Variants in CCDC88C observed in about 807,000 individuals in gnomAD.
CCDC88C encodes coiled-coil and HOOK domain protein 88C.
In CCDC88C, 131 loss-of-function variants were observed where a neutral mutation model predicts 198.8. The ratio of observed to expected loss-of-function variants is 0.66; its 90% confidence interval spans 0.57 to 0.76. CCDC88C has a LOEUF of 0.76. Among genes scored for constraint, CCDC88C ranks in the 30% least tolerant of loss-of-function variants. The probability of loss-of-function intolerance (pLI) is 0.00; values close to 1 mark genes in which losing one functional copy is unlikely to be tolerated. For synonymous variants in CCDC88C, 1,166 were observed against 1,114.7 expected, an observed-to-expected ratio of 1.05 and a Z score of -0.92; for missense variants, 2,553 against 2,631.6, an observed-to-expected ratio of 0.97 and a Z score of 0.65.
rs1054657158 is a variant in CCDC88C at position 91,379,805 on chromosome 14, T to A, written c.271-20094A>T. 5.7e-6 allele frequency: 4 copies of A among 702,950 alleles called. No homozygotes were observed. The Admixed American group carries it at 8.0e-5, about 14-fold the overall frequency. 43.5% of individuals were successfully genotyped at this position (702,950 alleles called of 1,614,324 possible). On this transcript the variant is annotated intron_variant, in intron 3 of 29. Coordinates refer to ENST00000389857, the MANE Select transcript of CCDC88C (RefSeq NM_001080414.4). ...TGTCTTGTTCACTGTCCACTTCCAC[T>A]GGGTTTGTTTGAAGCCAATGCGAAA...
At chr14:91,304,053 T>G in intron 19 of CCDC88C, 75 bp from the exon 20 acceptor site, 2 of 1,524,926 alleles carry the variant, frequency 1.3e-6, no homozygotes, top group Non-Finnish European at 1.8e-6. Context: ...GGTCAAGTGC[T>G]CGAGCAGACA....
intron 2 of CCDC88C, among the ~76,000 whole-genome samples, chr14:91,411,342 G>T (rs1312157075): frequency 6.6e-6 from 1 of 152,162 alleles, no homozygotes; most frequent in Non-Finnish European, 1.5e-5. Context: ...CTGCAAAATG[G>T]CTACAGGATC....
intron 14 of CCDC88C, among the ~76,000 whole-genome samples, chr14:91,315,224 A>C (rs1892041704): frequency 6.6e-6 from 1 of 152,090 alleles, no homozygotes; most frequent in Non-Finnish European, 1.5e-5. Flanking sequence ...TCCCTGAGCC[A>C]CTACATCAGC....
chr14:91,278,899 T>TTTC (rs1890082522), intron 28 of CCDC88C, among the ~76,000 whole-genome samples: 1 of 132,648 alleles, frequency 7.5e-6, no homozygotes, highest in African/African-American at 2.9e-5. Context: ...CTTTTTTTTT[T>TTTC]TTTTTTTTTT....
intron 10 of CCDC88C, 110 bp downstream of exon 10, chr14:91,337,895 A>C: frequency 7.3e-7 from 1 of 1,368,456 alleles, no homozygotes; most frequent in Non-Finnish European, 1.0e-6. Flanking sequence ...GCATCTGCTG[A>C]AACAGCTGTG....
At chr14:91,360,865 G>T (rs898583718) in intron 3 of CCDC88C, among the ~76,000 whole-genome samples, 2 of 152,188 alleles carry the variant, frequency 1.3e-5, no homozygotes, top group African/African-American at 4.8e-5. Flanking sequence ...TAAAATTCCA[G>T]TTCTGGTGGG....
rs765093703 is a variant in CCDC88C at position 91,408,629 on chromosome 14, C to G, written c.270+30G>C. 7.3e-6 allele frequency: 10 copies of G among 1,375,328 alleles called. No homozygotes were observed. In the Admixed American group the frequency reaches 1.0e-4, roughly 14 times the overall value. 85.2% of individuals were successfully genotyped at this position (1,375,328 alleles called of 1,614,324 possible). On this transcript the variant is annotated intron_variant, in intron 3 of 29. Transcript: ENST00000389857. ...AGTGACGATACTGATGGACACACAT[C>G]AGAATTCCCGACAGCAGAACTGCCC...
intron 17 of CCDC88C, among the ~76,000 whole-genome samples, chr14:91,307,565 G>C (rs1226242572): frequency 6.6e-6 from 1 of 152,254 alleles, no homozygotes; most frequent in African/African-American, 2.4e-5. Flanking sequence ...GAGGTGAACA[G>C]GGATGAGGTC....
At chr14:91,340,061 A>T (rs748388547) in intron 6 of CCDC88C, 37 bp from the exon 7 acceptor site, 5 of 1,601,354 alleles carry the variant, frequency 3.1e-6, no homozygotes, top group Non-Finnish European at 4.3e-6. Context: ...CAGGGGCGGC[A>T]GAGACGGGCG....
rs566330110 is a variant in CCDC88C at position 91,311,418 on chromosome 14, TG to T, written c.2737-1433del. Among the ~76,000 whole-genome samples, 367 of 152,332 alleles carry T rather than the reference TG, an allele frequency of 2.4e-3. 1 individual carries two copies. Among genetic ancestry groups the T allele is most frequent in the African/African-American group, 8.5e-3 (354 of 41,572 alleles). ...TGTGTGGCATGTGGCACCCTGTGGT[TG>T]GGTGTGGCTGTGCTGCTGAGCCCCA... On this transcript the variant is annotated intron_variant, in intron 15 of 29. Transcript: ENST00000389857.
chr14:91,281,996 C>G (rs1890219013), intron 26 of CCDC88C, among the ~76,000 whole-genome samples: 1 of 152,186 alleles, frequency 6.6e-6, no homozygotes, highest in African/African-American at 2.4e-5. Context: ...AACCCTTGCA[C>G]TAACAGCTCC....
chr14:91,370,126 G>A lies in CCDC88C; in HGVS notation c.271-10415C>T, dbSNP rs113428342. 6.9e-3 allele frequency among the ~76,000 whole-genome samples: 1,046 copies of A among 152,322 alleles called. 12 individuals carry two copies. Among genetic ancestry groups the A allele is most frequent in the African/African-American group, 0.023 (972 of 41,562 alleles). Reference sequence around the variant, plus strand: ...AACACCGCAGCATGAGGGCAGAGCCGCTAACTCCTGCCTCTGCCTGTAACC... The same window carrying A: ...AACACCGCAGCATGAGGGCAGAGCCACTAACTCCTGCCTCTGCCTGTAACC... On this transcript the variant is annotated intron_variant, in intron 3 of 29. Coordinates refer to ENST00000389857, the MANE Select transcript of CCDC88C (RefSeq NM_001080414.4).
At chr14:91,406,458 C>A (rs1886488505) in intron 3 of CCDC88C, among the ~76,000 whole-genome samples, 1 of 152,234 alleles carries the variant, frequency 6.6e-6, no homozygotes. Context: ...TGGCTCTGGC[C>A]AGCCCTGCCC....
intron 23 of CCDC88C, among the ~76,000 whole-genome samples, chr14:91,293,340 C>A (rs1395065703): frequency 7.1e-6 from 1 of 140,976 alleles, no homozygotes; most frequent in Non-Finnish European, 1.5e-5. Context: ...CAAAGCTCAC[C>A]TTCCTGTCCC....
intron 3 of CCDC88C, among the ~76,000 whole-genome samples, chr14:91,389,938 G>A (rs539668020): frequency 1.3e-5 from 2 of 152,088 alleles, no homozygotes; most frequent in East Asian, 1.9e-4. Flanking sequence ...TGGGCGTGGT[G>A]GCGGGCGCCT....
chr14:91,287,313 T>C (rs916679329), intron 25 of CCDC88C, among the ~76,000 whole-genome samples: 2 of 152,112 alleles, frequency 1.3e-5, no homozygotes, highest in South Asian at 2.1e-4. Flanking sequence ...CTTATCCCCA[T>C]AAAGAATGAC....
intron 3 of CCDC88C, among the ~76,000 whole-genome samples, chr14:91,407,885 C>A (rs752361096): frequency 6.8e-6 from 1 of 147,428 alleles, no homozygotes; most frequent in Non-Finnish European, 1.5e-5. Flanking sequence ...CAGGTTCAAG[C>A]GATTCTCCTG....
At chr14:91,324,164 G>A (rs1326743477) in intron 12 of CCDC88C, among the ~76,000 whole-genome samples, 1 of 152,240 alleles carries the variant, frequency 6.6e-6, no homozygotes. Flanking sequence ...GCAGGGGGCT[G>A]AGTGCGGCCC....
chr14:91,416,420 G>T (rs1025017431), intron 2 of CCDC88C, among the ~76,000 whole-genome samples: 1 of 152,128 alleles, frequency 6.6e-6, no homozygotes, highest in Admixed American at 6.5e-5. Context: ...TCCAAAAGGG[G>T]ACTTTTTCAT....
Sources: gnomAD v4.1 joint callset for allele counts (sites outside exome capture counted in the v4.1 genomes callset) on GRCh38, gnomAD v4.1.1 for gene constraint, MANE v1.5 for transcripts, NCBI Gene and HGNC (gene_info 2026-07-23, HGNC 2026-07-21) for gene names.